The following PLEKHA7 variants were observed in gnomAD, a reference collection of about 807,000 sequenced individuals.
PLEKHA7 encodes pleckstrin homology domain containing A7.
A neutral mutation model predicts 170.0 loss-of-function variants in PLEKHA7; 104 were observed. The ratio of observed to expected loss-of-function variants is 0.61; its 90% confidence interval spans 0.52 to 0.72. The LOEUF (loss-of-function observed/expected upper bound fraction) is 0.72. Among genes scored for constraint, PLEKHA7 ranks in the 30% least tolerant of loss-of-function variants. PLEKHA7 has a pLI of 0.00. For missense variants in PLEKHA7, 1,615 were observed against 1,671.7 expected, an observed-to-expected ratio of 0.97 and a Z score of 0.59; for synonymous variants, 648 against 660.8, an observed-to-expected ratio of 0.98 and a Z score of 0.30.
chr11:16,847,096 T>C (rs976917337), intron 8 of PLEKHA7, among the ~76,000 whole-genome samples: 8 of 127,432 alleles, frequency 6.3e-5, no homozygotes, highest in East Asian at 4.2e-4. Flanking sequence ...TTTTCTTTTT[T>C]TTTTTTTTTT....
rs183056417 is a variant in PLEKHA7 at position 16,935,671 on chromosome 11, A to G, written c.222-64489T>C. Among the ~76,000 whole-genome samples the G allele has an allele frequency of 2.0e-5, 3 of 152,356 alleles. No individual in the cohort carries two copies. The East Asian group carries it at 5.8e-4, about 29-fold the overall frequency. ...GAACTGAAAGCCTTGTGACATTTGC[A>G]AACACCACCCTAAGTGCCTTCTTCA... On this transcript the variant is annotated intron_variant, in intron 3 of 26. Coordinates refer to ENST00000531066, the MANE Select transcript of PLEKHA7 (RefSeq NM_001329630.2).
intron 4 of PLEKHA7, among the ~76,000 whole-genome samples, chr11:16,867,330 G>A (rs535393564): frequency 6.6e-6 from 1 of 152,164 alleles, no homozygotes; most frequent in Non-Finnish European, 1.5e-5. Flanking sequence ...CTGATTCAGA[G>A]ATCACACTTT....
chr11:16,846,671 T>C (rs779473526), intron 8 of PLEKHA7, among the ~76,000 whole-genome samples: 19 of 152,094 alleles, frequency 1.2e-4, no homozygotes, highest in Non-Finnish European at 2.5e-4. Context: ...CCTAGGGAGG[T>C]TGGCTGAAAG....
chr11:16,940,661 G>A (rs1238768002), intron 3 of PLEKHA7, among the ~76,000 whole-genome samples: 2 of 151,930 alleles, frequency 1.3e-5, no homozygotes, highest in African/African-American at 4.8e-5. Flanking sequence ...TCCTTTAAAA[G>A]TGAATAAACT....
rs112250107 is a variant in PLEKHA7, at chr11:16,857,220, T to C, written c.306-1306A>G. 4.0e-3 allele frequency among the ~76,000 whole-genome samples: 612 copies of C among 152,352 alleles called. 7 individuals carry two copies. The highest frequency in any genetic ancestry group is 0.014 in the African/African-American group (586 of 41,582). On this transcript the variant is annotated intron_variant, in intron 4 of 26. Transcript: ENST00000531066. ...TCTCTGCAGAAGTAGCCGTGACTAC[T>C]GCACTTTCCAAGCAATGCCAGCAGC...
intron 3 of PLEKHA7, among the ~76,000 whole-genome samples, chr11:16,951,422 C>T (rs182218851): frequency 1.2e-4 from 18 of 152,308 alleles, no homozygotes; most frequent in Admixed American, 8.5e-4. Context: ...GCACTTACCA[C>T]GAACTGGGCT....
chr11:17,006,591 CA>C (rs1865008870), intron 3 of PLEKHA7, among the ~76,000 whole-genome samples: 1 of 147,020 alleles, frequency 6.8e-6, no homozygotes. Context: ...GCCGCCACTG[CA>C]CTCCAGCCTG....
intron 4 of PLEKHA7, among the ~76,000 whole-genome samples, chr11:16,859,294 G>A (rs772237368): frequency 2.0e-5 from 3 of 152,154 alleles, no homozygotes; most frequent in South Asian, 2.1e-4. Context: ...TGCTCTCAAC[G>A]TAGAACATGA....
At chr11:16,922,632 T>C (rs1279492101) in intron 3 of PLEKHA7, among the ~76,000 whole-genome samples, 1 of 152,162 alleles carries the variant, frequency 6.6e-6, no homozygotes, top group Non-Finnish European at 1.5e-5. Flanking sequence ...CCAGGGTCTT[T>C]AGTCTATTTC....
intron 3 of PLEKHA7, among the ~76,000 whole-genome samples, chr11:16,977,036 C>T (rs1863112675): frequency 6.6e-6 from 1 of 152,190 alleles, no homozygotes; most frequent in Non-Finnish European, 1.5e-5. Context: ...TCCCCCAGTG[C>T]ACCTCAGCCA....
At chr11:16,903,481 C>G (rs1228190207) in intron 3 of PLEKHA7, among the ~76,000 whole-genome samples, 2 of 152,178 alleles carry the variant, frequency 1.3e-5, no homozygotes, top group African/African-American at 4.8e-5. Context: ...CATCCATAAC[C>G]CATCACCATT....
In PLEKHA7 at chr11:16,853,681, A is replaced by C. The variant is rs1241111408; in HGVS notation, c.522+1208T>G. On this transcript the variant is annotated intron_variant, in intron 6 of 26. Coordinates refer to ENST00000531066, the MANE Select transcript of PLEKHA7 (RefSeq NM_001329630.2). ...ATGGGGACAGGGATGCAAACGGAAGAAGTCAGAGGGTTAAATGACTCAAGT... is the reference window on the plus strand; with the variant it reads ...ATGGGGACAGGGATGCAAACGGAAGCAGTCAGAGGGTTAAATGACTCAAGT... Among the ~76,000 whole-genome samples, 4 of 152,222 alleles carry C rather than the reference A, an allele frequency of 2.6e-5. No homozygotes were observed. In the East Asian group the frequency reaches 7.7e-4, roughly 29 times the overall value.
rs117855401 is a variant in PLEKHA7, at chr11:16,901,441, C to T, written c.222-30259G>A. 2.4e-3 allele frequency among the ~76,000 whole-genome samples: 368 copies of T among 152,334 alleles called. 1 individual carries two copies. The highest frequency in any genetic ancestry group is 4.1e-3 in the Non-Finnish European group (280 of 68,026). On this transcript the variant is annotated intron_variant, in intron 3 of 26. Coordinates refer to ENST00000531066, the MANE Select transcript of PLEKHA7 (RefSeq NM_001329630.2). ...ACTGCATGGGGGTTTATCCTTTCTC[C>T]TCTAAATTCCACCACTAGCAACTCA...
chr11:16,899,526 AAT>A (rs1857199957), intron 3 of PLEKHA7, among the ~76,000 whole-genome samples: 1 of 152,190 alleles, frequency 6.6e-6, no homozygotes, highest in African/African-American at 2.4e-5. Context: ...TAAAGGAGAA[AAT>A]ATGTTAATAA....
intron 15 of PLEKHA7, among the ~76,000 whole-genome samples, chr11:16,802,044 A>C (rs1458280391): frequency 6.6e-6 from 1 of 152,200 alleles, no homozygotes; most frequent in Non-Finnish European, 1.5e-5. Flanking sequence ...TCTATAAACT[A>C]GGGATACAGC....
At chr11:16,919,675 A>C (rs1858943883) in intron 3 of PLEKHA7, among the ~76,000 whole-genome samples, 1 of 152,130 alleles carries the variant, frequency 6.6e-6, no homozygotes, top group Non-Finnish European at 1.5e-5. Flanking sequence ...TAAAATTAAA[A>C]ATTTGAGAAA....
chr11:16,838,693 CTTTTTTTT>C lies in PLEKHA7; in HGVS notation c.872+2846_872+2853del, dbSNP rs869209891. ...ACTCACTAGTGAAATACACAGTTTT[CTTTTTTTT>C]TTTTTTTTTTTTTGAGACAGTCTCG... On this transcript the variant is annotated intron_variant, in intron 9 of 26. Transcript: ENST00000531066. Among the ~76,000 whole-genome samples, 3 of 107,870 alleles carry C rather than the reference CTTTTTTTT, an allele frequency of 2.8e-5. No individual in the cohort carries two copies. In the Admixed American group the frequency reaches 3.7e-4, roughly 13 times the overall value. The allele number at this position is 107,870 out of a possible 152,430, so 70.8% of individuals were successfully genotyped here.
In PLEKHA7 at chr11:17,014,410, AGC is replaced by A; in HGVS notation, c.-11_-10del. The A allele has an allele frequency of 8.4e-7, 1 of 1,184,806 alleles. No individual in the cohort carries two copies. The highest frequency in any genetic ancestry group is 3.4e-5 in the Admixed American group (1 of 29,730). The allele number at this position is 1,184,806 out of a possible 1,614,324, so 73.4% of individuals were successfully genotyped here. A position where few individuals can be genotyped will look rare whatever the true frequency, so the allele number is the denominator to read the frequency against. ...ACCGTCGCCGCCGCCATGTTCGCCG[AGC>A]GCGGAGCCGCCGCGGGGTGGGGGGG... On this transcript the variant is annotated 5_prime_UTR_variant, in exon 1 of 27. Coordinates refer to ENST00000531066, the MANE Select transcript of PLEKHA7 (RefSeq NM_001329630.2).
Position 16,789,358 on chromosome 11 carries a change from G to A in PLEKHA7, c.3157-62C>T. 6.6e-7 allele frequency: 1 copy of A among 1,505,102 alleles called. No homozygotes were observed. The highest frequency in any genetic ancestry group is 1.1e-5 in the South Asian group (1 of 88,448). 93.2% of individuals were successfully genotyped at this position (1,505,102 alleles called of 1,614,324 possible). ...AGCTGGGCTGGGCACGCAGAGGACA[G>A]CCACCCTGCTGGCTGCATTCCCGTT... On this transcript the variant is annotated intron_variant, in intron 22 of 26. Transcript: ENST00000531066. This position sits in a 1 kb window ranked among gnomAD's most constrained non-coding sequence, Gnocchi z 4.6.
Sources: allele counts gnomAD v4.1 joint callset (sites outside exome capture counted in the v4.1 genomes callset), GRCh38; gene constraint gnomAD v4.1.1; non-coding constraint Gnocchi (gnomAD v3.1); transcripts MANE v1.5; gene names NCBI Gene and HGNC (gene_info 2026-07-23, HGNC 2026-07-21).